PRKCE: variants seen among roughly 807,000 people sequenced by gnomAD.
The protein encoded by PRKCE is protein kinase C epsilon, also known as protein kinase C epsilon type.
Under a neutral mutation model 85.4 loss-of-function variants are expected in PRKCE, and 16 were observed. The observed-to-expected ratio is 0.19, with a 90% CI of 0.13 to 0.28. The LOEUF (loss-of-function observed/expected upper bound fraction) is 0.28. Among genes scored for constraint, PRKCE ranks in the 10% least tolerant of loss-of-function variants. The pLI, the probability that PRKCE is intolerant of heterozygous loss-of-function variation, is 1.00. For synonymous variants in PRKCE, 388 were observed against 371.5 expected, an observed-to-expected ratio of 1.04 and a Z score of -0.51; for missense variants, 573 against 975.2, an observed-to-expected ratio of 0.59 and a Z score of 5.49.
chr2:45,919,923 G>A lies in PRKCE; in HGVS notation c.413-56506G>A, dbSNP rs182379484. Among the ~76,000 whole-genome samples the A allele has an allele frequency of 8.5e-5, 13 of 152,352 alleles. No homozygotes were observed. The East Asian group carries it at 1.7e-3, about 20-fold the overall frequency. On this transcript the variant is annotated intron_variant, in intron 2 of 14. Transcript: ENST00000306156. ...GTTCACTAGGTGTGGAAAAGGGTGCGTGAGTGGGTGAAGGCAGACACTGGG... is the reference window on the plus strand; with the variant it reads ...GTTCACTAGGTGTGGAAAAGGGTGCATGAGTGGGTGAAGGCAGACACTGGG...
At chr2:45,706,274 C>G (rs1035369387) in intron 1 of PRKCE, among the ~76,000 whole-genome samples, 2 of 152,196 alleles carry the variant, frequency 1.3e-5, no homozygotes, top group Non-Finnish European at 2.9e-5. Context: ...AAATATTACA[C>G]AGGATTGCCT....
At chr2:45,992,110 G>A (rs896784110) in intron 6 of PRKCE, among the ~76,000 whole-genome samples, 2 of 152,216 alleles carry the variant, frequency 1.3e-5, no homozygotes, top group Non-Finnish European at 2.9e-5. Flanking sequence ...CAGGCATTGA[G>A]TCAGAAATAA....
intron 1 of PRKCE, among the ~76,000 whole-genome samples, chr2:45,838,137 G>A (rs1433253519): frequency 1.3e-5 from 2 of 152,176 alleles, no homozygotes; most frequent in Non-Finnish European, 2.9e-5. Context: ...GGTGTCTGAG[G>A]TATTGCTGTG....
At chr2:45,956,457 A>G (rs1229519664) in intron 2 of PRKCE, among the ~76,000 whole-genome samples, 2 of 151,902 alleles carry the variant, frequency 1.3e-5, no homozygotes, top group Non-Finnish European at 2.9e-5. Context: ...AGGTGGGTGG[A>G]TCACCTGAGG....
intron 1 of PRKCE, among the ~76,000 whole-genome samples, chr2:45,741,497 G>A (rs1317166700): frequency 6.6e-6 from 1 of 152,184 alleles, no homozygotes; most frequent in Non-Finnish European, 1.5e-5. Flanking sequence ...AGAGAGCCAA[G>A]GTTCTTCTGG....
At chr2:45,850,189 C>T (rs891793244) in intron 2 of PRKCE, among the ~76,000 whole-genome samples, 1 of 152,182 alleles carries the variant, frequency 6.6e-6, no homozygotes, top group Admixed American at 6.5e-5. Context: ...ACAACTAGAG[C>T]CTCCTTCCCC....
chr2:45,998,034 T>C (rs976507259), intron 6 of PRKCE, among the ~76,000 whole-genome samples: 25 of 152,348 alleles, frequency 1.6e-4, no homozygotes, highest in Middle Eastern at 3.4e-3. Flanking sequence ...ATTTCCATTC[T>C]TTTAAATTTG....
intron 1 of PRKCE, among the ~76,000 whole-genome samples, chr2:45,763,942 T>C (rs570460207): frequency 5.9e-5 from 9 of 152,346 alleles, no homozygotes; most frequent in Admixed American, 4.6e-4. Flanking sequence ...GACATCCTTT[T>C]ACCTAATTAA....
At chr2:45,670,550 G>T (rs1459026145) in intron 1 of PRKCE, among the ~76,000 whole-genome samples, 1 of 152,068 alleles carries the variant, frequency 6.6e-6, no homozygotes, top group Non-Finnish European at 1.5e-5. Context: ...TTCTTACTGT[G>T]AGTCCCAGTT....
At chr2:45,966,375 A>T (rs559411006) in intron 2 of PRKCE, among the ~76,000 whole-genome samples, 1 of 152,200 alleles carries the variant, frequency 6.6e-6, no homozygotes, top group East Asian at 1.9e-4. Context: ...CGCATGCGGG[A>T]TACTGTCGTG....
At chr2:46,017,513 G>A (rs1390366670) in intron 10 of PRKCE, among the ~76,000 whole-genome samples, 1 of 152,156 alleles carries the variant, frequency 6.6e-6, no homozygotes, top group Non-Finnish European at 1.5e-5. Context: ...TGTGAACATG[G>A]TTGTCTGAAT....
At chr2:45,927,106 G>A (rs1042552401) in intron 2 of PRKCE, among the ~76,000 whole-genome samples, 6 of 152,120 alleles carry the variant, frequency 3.9e-5, no homozygotes, top group African/African-American at 1.4e-4. Context: ...GACAAGGATG[G>A]TGAGAAGTAT....
At chr2:45,779,049 C>T (rs1685976466) in intron 1 of PRKCE, among the ~76,000 whole-genome samples, 1 of 152,222 alleles carries the variant, frequency 6.6e-6, no homozygotes, top group African/African-American at 2.4e-5. Flanking sequence ...TTGCTCACAG[C>T]AGTCCAGGTA....
chr2:46,109,577 G>C lies in PRKCE; in HGVS notation c.1592+23215G>C, dbSNP rs147487978. On this transcript the variant is annotated intron_variant, in intron 11 of 14. Coordinates refer to ENST00000306156, the MANE Select transcript of PRKCE (RefSeq NM_005400.3). ...TTGTATTCTGCAACCATTCTATTATGTTTATTAATTACAGGAGTTTTTTGT... is the reference window on the plus strand; with the variant it reads ...TTGTATTCTGCAACCATTCTATTATCTTTATTAATTACAGGAGTTTTTTGT... Among the ~76,000 whole-genome samples, 19 of 152,152 alleles carry C rather than the reference G, an allele frequency of 1.2e-4. No individual in the cohort carries two copies. The East Asian group carries it at 3.3e-3, about 26-fold the overall frequency.
intron 1 of PRKCE, among the ~76,000 whole-genome samples, chr2:45,739,261 T>C (rs1682347681): frequency 1.3e-5 from 2 of 152,332 alleles, no homozygotes; most frequent in South Asian, 4.1e-4. Flanking sequence ...CTGGACATCA[T>C]TGGACAGAGG....
intron 11 of PRKCE, among the ~76,000 whole-genome samples, chr2:46,092,631 C>T (rs959687451): frequency 1.3e-5 from 2 of 152,214 alleles, no homozygotes; most frequent in Non-Finnish European, 2.9e-5. Flanking sequence ...ATCTTGTTCT[C>T]TCCAGAGCTG....
intron 1 of PRKCE, among the ~76,000 whole-genome samples, chr2:45,819,654 G>A (rs1462417373): frequency 1.3e-5 from 2 of 152,184 alleles, no homozygotes; most frequent in African/African-American, 4.8e-5. Context: ...GATGTGGGAG[G>A]TGAAAGGACT....
intron 14 of PRKCE, chr2:46,160,162 C>G (rs575239034): frequency 4.9e-6 from 1 of 205,712 alleles, no homozygotes; most frequent in African/African-American, 2.4e-5. Context: ...GTGGTCATTC[C>G]GTGGAACTAG....
chr2:45,987,934 T>G (rs1343763072), intron 6 of PRKCE, among the ~76,000 whole-genome samples: 1 of 152,156 alleles, frequency 6.6e-6, no homozygotes, highest in African/African-American at 2.4e-5. Context: ...TGTGCCCAGG[T>G]CTAAGCCTGG....
Sources: gnomAD v4.1 joint callset for allele counts (sites outside exome capture counted in the v4.1 genomes callset) on GRCh38, gnomAD v4.1.1 for gene constraint, MANE v1.5 for transcripts, NCBI Gene and HGNC (gene_info 2026-07-23, HGNC 2026-07-21) for gene names.